PDE1A: variants seen among roughly 807,000 people sequenced by gnomAD.
PDE1A encodes phosphodiesterase 1A, also known as dual specificity calcium/calmodulin-dependent 3',5'-cyclic nucleotide phosphodiesterase 1A.
In PDE1A, 35 loss-of-function variants were observed where a neutral mutation model predicts 61.7. The observed-to-expected ratio is 0.57, with a 90% CI of 0.43 to 0.75. The LOEUF (loss-of-function observed/expected upper bound fraction) is 0.75, where lower values mean the gene tolerates loss of function less well. Among genes scored for constraint, PDE1A ranks in the 30% least tolerant of loss-of-function variants. PDE1A has a pLI of 0.00. For missense variants in PDE1A, 597 were observed against 630.6 expected (o/e 0.95, Z 0.57); for synonymous variants, 232 against 213.2 (o/e 1.09, Z -0.77).
At chr2:182,705,558 T>C in the PDE1A span, among the ~76,000 whole-genome samples, 77 of 151,762 alleles carry the variant, frequency 5.1e-4, no homozygotes, top group African/African-American at 1.6e-3. Context: ...AAGGCTGGAG[T>C]GGAGTGCAGT....
chr2:182,508,109 CT>C lies in PDE1A; in HGVS notation c.101+14166del, dbSNP rs74984401. Among the ~76,000 whole-genome samples, 1,317 of 139,116 alleles carry C rather than the reference CT, an allele frequency of 9.5e-3. 6 individuals carry two copies. The highest frequency in any genetic ancestry group is 0.025 in the African/African-American group (958 of 38,288). 91.3% of individuals were successfully genotyped at this position (139,116 alleles called of 152,430 possible). A position where few individuals can be genotyped will look rare whatever the true frequency, so the allele number is the denominator to read the frequency against. On this transcript the variant is annotated intron_variant, in intron 2 of 14. Transcript: ENST00000410103. ...GTACCTAGATTTAATGGTTAGAATT[CT>C]TTTTTTTTTTTTAAGGATAAAAATT...
upstream of PDE1A, among the ~76,000 whole-genome samples, chr2:182,525,889 A>C (rs1321959856): frequency 6.6e-6 from 1 of 152,172 alleles, no homozygotes; most frequent in Non-Finnish European, 1.5e-5. Flanking sequence ...TACTCGTTAA[A>C]AATAATTACA....
the PDE1A span, among the ~76,000 whole-genome samples, chr2:182,534,034 T>A: frequency 6.6e-6 from 1 of 151,992 alleles, no homozygotes; most frequent in Non-Finnish European, 1.5e-5. Context: ...TGAACCAGTA[T>A]CAAAAAATGC....
chr2:182,692,680 T>C, the PDE1A span, among the ~76,000 whole-genome samples: 2 of 147,904 alleles, frequency 1.4e-5, no homozygotes, highest in Non-Finnish European at 3.0e-5. Context: ...AAAATATATA[T>C]ATATATAAAA....
chr2:182,246,558 C>G (rs1013860527), intron 2 of PDE1A, among the ~76,000 whole-genome samples: 3 of 151,820 alleles, frequency 2.0e-5, no homozygotes, highest in Non-Finnish European at 4.4e-5. Flanking sequence ...CGTGCCACCA[C>G]ACCCAGCTAA....
the PDE1A span, among the ~76,000 whole-genome samples, chr2:182,617,210 G>A: frequency 2.0e-5 from 3 of 152,258 alleles, no homozygotes; most frequent in South Asian, 6.2e-4. Context: ...GAAGGGGCTG[G>A]AGTCTAAAAT....
At chr2:182,658,989 G>T in the PDE1A span, among the ~76,000 whole-genome samples, 2 of 152,030 alleles carry the variant, frequency 1.3e-5, no homozygotes, top group African/African-American at 4.8e-5. Context: ...ACACGGAATT[G>T]AAAGAAAAAC....
intron 1 of PDE1A, among the ~76,000 whole-genome samples, chr2:182,402,088 G>A (rs1450007861): frequency 6.6e-6 from 1 of 152,042 alleles, no homozygotes; most frequent in Non-Finnish European, 1.5e-5. Context: ...TGTGAAAATA[G>A]CCATACTGCC....
intron 13 of PDE1A, among the ~76,000 whole-genome samples, chr2:182,182,375 C>G (rs1684837820): frequency 6.6e-6 from 1 of 152,110 alleles, no homozygotes; most frequent in African/African-American, 2.4e-5. Flanking sequence ...TCCTTCTACT[C>G]ACACATACTG....
the PDE1A span, among the ~76,000 whole-genome samples, chr2:182,683,401 T>A: frequency 4.6e-5 from 7 of 152,056 alleles, no homozygotes; most frequent in African/African-American, 1.7e-4. Flanking sequence ...TCAAAACAAG[T>A]ATAATAGCGG....
At chr2:182,646,142 T>C in the PDE1A span, among the ~76,000 whole-genome samples, 1 of 152,000 alleles carries the variant, frequency 6.6e-6, no homozygotes, top group South Asian at 2.1e-4. Flanking sequence ...GTTGGATTGG[T>C]CATGGCTAAT....
chr2:182,540,856 G>A, the PDE1A span, among the ~76,000 whole-genome samples: 1 of 152,056 alleles, frequency 6.6e-6, no homozygotes, highest in Non-Finnish European at 1.5e-5. Context: ...ATTACCGTAT[G>A]TTAATATACA....
chr2:182,680,152 T>C, the PDE1A span, among the ~76,000 whole-genome samples: 1 of 151,946 alleles, frequency 6.6e-6, no homozygotes, highest in African/African-American at 2.4e-5. Flanking sequence ...CGCCATTATG[T>C]AAACTCACAC....
At chr2:182,297,000 T>A (rs1694929900) in intron 1 of PDE1A, among the ~76,000 whole-genome samples, 1 of 152,166 alleles carries the variant, frequency 6.6e-6, no homozygotes, top group Non-Finnish European at 1.5e-5. Flanking sequence ...TGGACTGGAA[T>A]TACATCACTG....
the PDE1A span, among the ~76,000 whole-genome samples, chr2:182,678,100 A>G: frequency 1.3e-5 from 2 of 152,220 alleles, no homozygotes; most frequent in African/African-American, 2.4e-5. Context: ...TTCAGATTGT[A>G]TAGGATGTAT....
At chr2:182,481,752 C>A (rs1457278963) in intron 2 of PDE1A, among the ~76,000 whole-genome samples, 1 of 151,888 alleles carries the variant, frequency 6.6e-6, no homozygotes, top group Non-Finnish European at 1.5e-5. Context: ...AATCTCGTCT[C>A]TTTTCTTTTA....
intron 1 of PDE1A, among the ~76,000 whole-genome samples, chr2:182,383,511 T>C (rs369766708): frequency 1.9e-4 from 29 of 152,246 alleles, no homozygotes; most frequent in African/African-American, 6.7e-4. Flanking sequence ...TTAAAACATA[T>C]ATAATACAAG....
In PDE1A at chr2:182,338,260, G is replaced by A. The variant is rs192101758; in HGVS notation, c.54-73846C>T. Among the ~76,000 whole-genome samples the A allele has an allele frequency of 7.2e-5, 11 of 152,298 alleles. No homozygotes were observed. The East Asian group carries it at 1.9e-3, about 27-fold the overall frequency. On this transcript the variant is annotated intron_variant, in intron 1 of 13. Transcript: ENST00000351439. ...AACTGTTTGATGTGGAATTACATAA[G>A]CCATCTTTGGGTCTCAGCTTTCTCA...
chr2:182,701,587 G>C, the PDE1A span, among the ~76,000 whole-genome samples: 6 of 151,506 alleles, frequency 4.0e-5, no homozygotes, highest in Non-Finnish European at 8.8e-5. Flanking sequence ...TCGCCATGTT[G>C]GTCAGGCTGG....
Sources: gnomAD v4.1 joint callset for allele counts (sites outside exome capture counted in the v4.1 genomes callset) on GRCh38, gnomAD v4.1.1 for gene constraint, MANE v1.5 for transcripts, NCBI Gene and HGNC (gene_info 2026-07-23, HGNC 2026-07-21) for gene names.